Variants in EPB41L4A observed in about 807,000 individuals in gnomAD.
EPB41L4A encodes the protein band 4.1-like protein 4A.
In EPB41L4A, 100 loss-of-function variants were observed where a neutral mutation model predicts 108.6. The observed-to-expected ratio is 0.92, with a 90% CI of 0.78 to 1.09. The LOEUF (loss-of-function observed/expected upper bound fraction) is 1.09, where lower values mean the gene tolerates loss of function less well. Among genes scored for constraint, EPB41L4A ranks in the 50% least tolerant of loss-of-function variants. The pLI, the probability that EPB41L4A is intolerant of heterozygous loss-of-function variation, is 0.00. For synonymous variants in EPB41L4A, 319 were observed against 289.0 expected (o/e 1.10, Z -1.05); for missense variants, 1,030 against 842.7 (o/e 1.22, Z -2.75).
intron 12 of EPB41L4A, among the ~76,000 whole-genome samples, chr5:112,231,236 G>A (rs546273595): frequency 6.6e-6 from 1 of 152,058 alleles, no homozygotes; most frequent in African/African-American, 2.4e-5. Flanking sequence ...GCATTGTTTA[G>A]GAACATTTAA....
intron 1 of EPB41L4A, among the ~76,000 whole-genome samples, chr5:112,406,812 G>C (rs1762099690): frequency 1.3e-5 from 2 of 152,126 alleles, no homozygotes; most frequent in African/African-American, 2.4e-5. Flanking sequence ...AGAAAAACCA[G>C]AGAGAAGAGT....
At chr5:112,256,254 A>T (rs1210477213) in intron 9 of EPB41L4A, among the ~76,000 whole-genome samples, 1 of 147,652 alleles carries the variant, frequency 6.8e-6, no homozygotes, top group Non-Finnish European at 1.5e-5. Flanking sequence ...AAAACCAAGA[A>T]CTAACACATA....
intron 2 of EPB41L4A, among the ~76,000 whole-genome samples, chr5:112,302,210 T>TA (rs1561553005): frequency 6.6e-6 from 1 of 152,056 alleles, no homozygotes; most frequent in African/African-American, 2.4e-5. Flanking sequence ...CATGGTTTTT[T>TA]AAAAAAATTC....
chr5:112,303,986 G>A (rs1289440533), intron 2 of EPB41L4A, among the ~76,000 whole-genome samples: 1 of 152,032 alleles, frequency 6.6e-6, no homozygotes, highest in Non-Finnish European at 1.5e-5. Flanking sequence ...GAAAAAGCAA[G>A]GTGGTAAGAT....
rs532097564 is a variant in EPB41L4A at position 112,234,892 on chromosome 5, T to C, written c.966-137A>G. The C allele has an allele frequency of 3.8e-5, 34 of 898,866 alleles. 1 individual carries two copies. The South Asian group carries it at 4.2e-4, about 11-fold the overall frequency. The allele number at this position is 898,866 out of a possible 1,614,324, so 55.7% of individuals were successfully genotyped here. On this transcript the variant is annotated intron_variant, in intron 11 of 22. Coordinates refer to ENST00000261486, the MANE Select transcript of EPB41L4A (RefSeq NM_022140.5). The stretch of plus-strand genomic sequence containing the variant: ...CTCCCTGGTTTTTAATTGATTCTCA[T>C]TGCAATATTGATCAAGGGAGTGGTT...
intron 1 of EPB41L4A, among the ~76,000 whole-genome samples, chr5:112,354,918 A>G (rs966949770): frequency 3.9e-5 from 6 of 152,206 alleles, no homozygotes; most frequent in Admixed American, 2.0e-4. Context: ...TAATGACAGT[A>G]TGCTACATTT....
intron 1 of EPB41L4A, among the ~76,000 whole-genome samples, chr5:112,412,016 C>A (rs1205322279): frequency 1.3e-5 from 2 of 152,168 alleles, no homozygotes; most frequent in African/African-American, 4.8e-5. Context: ...GAAACATAGT[C>A]CCCCTCAAGA....
At chr5:112,252,867 G>C (rs1750790264) in intron 9 of EPB41L4A, among the ~76,000 whole-genome samples, 1 of 149,274 alleles carries the variant, frequency 6.7e-6, no homozygotes, top group African/African-American at 2.4e-5. Context: ...AAAAAAAATA[G>C]GTATGTAATG....
At chr5:112,167,158 T>G (rs1486275054) in intron 22 of EPB41L4A, among the ~76,000 whole-genome samples, 6 of 148,996 alleles carry the variant, frequency 4.0e-5, no homozygotes, top group African/African-American at 1.5e-4. Flanking sequence ...AGATAACTGC[T>G]TATTAATCAT....
intron 12 of EPB41L4A, among the ~76,000 whole-genome samples, chr5:112,214,179 C>G (rs1224453013): frequency 6.6e-6 from 1 of 152,196 alleles, no homozygotes; most frequent in Non-Finnish European, 1.5e-5. Context: ...GAAAAGTGAC[C>G]TGACAAATCC....
At chr5:112,157,235 C>T (rs768032380) in intron 12 of EPB41L4A, among the ~76,000 whole-genome samples, 214 of 151,742 alleles carry the variant, frequency 1.4e-3, no homozygotes, top group Non-Finnish European at 1.8e-3. Context: ...CACCTTAGAG[C>T]AACTGGTTAT....
chr5:112,266,113 A>T (rs959546771), intron 5 of EPB41L4A, 120 bp downstream of exon 5: 2 of 713,016 alleles, frequency 2.8e-6, no homozygotes, highest in Admixed American at 3.3e-5. Flanking sequence ...AAATAAATTC[A>T]ATTTCTTTTT....
intron 22 of EPB41L4A, among the ~76,000 whole-genome samples, chr5:112,167,618 C>T (rs959508872): frequency 6.6e-6 from 1 of 152,144 alleles, no homozygotes; most frequent in Non-Finnish European, 1.5e-5. Flanking sequence ...AAAAGTTCAA[C>T]CCCCTTGTCC....
chr5:112,147,966 G>T lies in EPB41L4A; in HGVS notation n.995-1968C>A, dbSNP rs914486322. 3.2e-4 allele frequency among the ~76,000 whole-genome samples: 49 copies of T among 151,772 alleles called. 1 individual carries two copies. Among genetic ancestry groups the T allele is most frequent in the Non-Finnish European group, 1.2e-4 (8 of 67,962 alleles). ...AGGCAGGAGAATTGCATGAACCCAG[G>T]AGGTGGAGGCTGCAGTGAGCTGAGA... On this transcript the variant is annotated intron_variant and non_coding_transcript_variant, in intron 12 of 13. Coordinates refer to the EPB41L4A transcript ENST00000507810.
rs1055050777 is a variant in EPB41L4A, at chr5:112,401,047, GAACA to G, written c.99+17890_99+17893del. Among the ~76,000 whole-genome samples the G allele has an allele frequency of 2.9e-4, 44 of 152,010 alleles. 1 individual carries two copies. The highest frequency in any genetic ancestry group is 1.0e-3 in the African/African-American group (42 of 41,384). ...TCAAAATACTCATGAGTCCAAGAAA[GAACA>G]AACAGCTTCACTCTTCTTTCCCTAC... On this transcript the variant is annotated intron_variant, in intron 1 of 22. Transcript: ENST00000261486.
chr5:112,213,836 T>C (rs1747420412), intron 12 of EPB41L4A, among the ~76,000 whole-genome samples: 1 of 152,228 alleles, frequency 6.6e-6, no homozygotes, highest in Non-Finnish European at 1.5e-5. Context: ...CATATAATAG[T>C]CACATGCCTT....
At chr5:112,190,656 G>C (rs1761651704) in intron 17 of EPB41L4A, among the ~76,000 whole-genome samples, 1 of 152,158 alleles carries the variant, frequency 6.6e-6, no homozygotes, top group African/African-American at 2.4e-5. Flanking sequence ...CATTTCATTT[G>C]ATCTTTACAG....
chr5:112,323,442 C>G (rs911914133), intron 1 of EPB41L4A, among the ~76,000 whole-genome samples: 1 of 152,200 alleles, frequency 6.6e-6, no homozygotes, highest in Non-Finnish European at 1.5e-5. Context: ...CATGACTTCA[C>G]TATTTAAGGG....
intron 1 of EPB41L4A, among the ~76,000 whole-genome samples, chr5:112,413,065 C>T (rs1300588717): frequency 6.6e-6 from 1 of 152,142 alleles, no homozygotes; most frequent in Non-Finnish European, 1.5e-5. Flanking sequence ...CAACATGGTT[C>T]TCAGTTTCAA....
Sources: gnomAD v4.1 joint callset for allele counts (sites outside exome capture counted in the v4.1 genomes callset) on GRCh38, gnomAD v4.1.1 for gene constraint, MANE v1.5 for transcripts, NCBI Gene and HGNC (gene_info 2026-07-23, HGNC 2026-07-21) for gene names.